Variants in NCK1 observed in about 807,000 individuals in gnomAD.
The protein encoded by NCK1 is SH2/SH3 adapter protein NCK1.
Under a neutral mutation model 36.6 loss-of-function variants are expected in NCK1, and 19 were observed. That is an observed-to-expected ratio of 0.52 (90% CI 0.36 to 0.76). The LOEUF is 0.76. NCK1 is among the 30% of genes least tolerant of loss of function. The pLI is 0.00. For missense variants in NCK1, 358 were observed against 445.6 expected (o/e 0.80, Z 1.77); for synonymous variants, 165 against 156.0 (o/e 1.06, Z -0.43).
chr3:136,902,378 A>G (rs1426931366), intron 1 of NCK1, among the ~76,000 whole-genome samples: 1 of 151,866 alleles, frequency 6.6e-6, no homozygotes, highest in Non-Finnish European at 1.5e-5. Context: ...GTATTTTAGT[A>G]AAAACGGGGT....
intron 1 of NCK1, among the ~76,000 whole-genome samples, chr3:136,923,779 T>C (rs1449003914): frequency 1.3e-5 from 2 of 152,188 alleles, no homozygotes; most frequent in African/African-American, 4.8e-5. Flanking sequence ...CTTGATAGTT[T>C]AGCTTTTAGA....
chr3:136,909,688 A>G (rs757334043), intron 1 of NCK1, among the ~76,000 whole-genome samples: 3 of 152,186 alleles, frequency 2.0e-5, no homozygotes, highest in African/African-American at 4.8e-5. Context: ...GAAGTTTCCA[A>G]TGATTACTGT....
chr3:136,925,547 C>A (rs990973739), intron 1 of NCK1, among the ~76,000 whole-genome samples: 9 of 152,186 alleles, frequency 5.9e-5, no homozygotes, highest in African/African-American at 2.2e-4. Flanking sequence ...TTAACCCTGG[C>A]AACTACTAAT....
intron 1 of NCK1, among the ~76,000 whole-genome samples, chr3:136,917,267 G>A (rs1036057863): frequency 2.2e-5 from 3 of 136,322 alleles, no homozygotes; most frequent in Non-Finnish European, 4.6e-5. Context: ...GCTATCGTTA[G>A]TGTATTTTAT....
intron 1 of NCK1, among the ~76,000 whole-genome samples, chr3:136,892,477 A>G (rs1576957588): frequency 6.6e-6 from 1 of 152,328 alleles, no homozygotes; most frequent in East Asian, 1.9e-4. Flanking sequence ...TAGTCCAGGA[A>G]AGGGATGTGA....
chr3:136,944,385 T>C (rs1372938223), intron 2 of NCK1, among the ~76,000 whole-genome samples: 1 of 152,136 alleles, frequency 6.6e-6, no homozygotes, highest in East Asian at 1.9e-4. Flanking sequence ...CCCAGAATGC[T>C]GGGATTACTG....
At chr3:136,867,433 A>T (rs1938484248) in intron 1 of NCK1, 1 of 113,346 alleles carries the variant, frequency 8.8e-6, no homozygotes. Flanking sequence ...TTTTGTAGAG[A>T]TAGGGTCTCA....
Position 136,903,722 on chromosome 3 carries a change from T to C in NCK1, c.-18-24262T>C, listed in dbSNP as rs149047952. Among the ~76,000 whole-genome samples the C allele has an allele frequency of 2.9e-3, 436 of 152,234 alleles. 3 individuals are homozygous for C. Among genetic ancestry groups the C allele is most frequent in the African/African-American group, 0.01 (417 of 41,534 alleles). ...TTGTAGGTGAGAGCCACACCGCGCC[T>C]GGCCAAATTAGTCTGTATCTTTTAA... is the stretch of plus-strand genomic sequence containing the variant. On this transcript the variant is annotated intron_variant, in intron 1 of 3. Coordinates refer to ENST00000481752, the MANE Select transcript of NCK1 (RefSeq NM_001291999.2).
intron 1 of NCK1, among the ~76,000 whole-genome samples, chr3:136,896,563 G>C (rs532627864): frequency 5.9e-5 from 9 of 152,030 alleles, no homozygotes; most frequent in African/African-American, 1.9e-4. Flanking sequence ...TTAAAGGCAG[G>C]GTCTCACTCT....
At chr3:136,893,942 G>T (rs1939324857) in intron 1 of NCK1, among the ~76,000 whole-genome samples, 1 of 152,096 alleles carries the variant, frequency 6.6e-6, no homozygotes, top group Non-Finnish European at 1.5e-5. Context: ...TTTCATCCTT[G>T]TGGGACTTGA....
intron 1 of NCK1, among the ~76,000 whole-genome samples, chr3:136,875,067 T>C (rs1266597758): frequency 2.6e-5 from 4 of 152,224 alleles, no homozygotes; most frequent in Non-Finnish European, 4.4e-5. Context: ...TTTGTGTACC[T>C]TCTGAATCTG....
chr3:136,925,812 T>C (rs918880163), intron 1 of NCK1, among the ~76,000 whole-genome samples: 3 of 152,226 alleles, frequency 2.0e-5, no homozygotes, highest in African/African-American at 7.2e-5. Context: ...TCATGTAAAA[T>C]GTGAACATAA....
intron 1 of NCK1, among the ~76,000 whole-genome samples, chr3:136,895,770 G>A (rs1939377458): frequency 1.3e-5 from 2 of 152,016 alleles, no homozygotes; most frequent in African/African-American, 4.8e-5. Context: ...TTGCTATGTT[G>A]ACCAGGCTGA....
At chr3:136,867,180 C>CCTTCCTTCCT (rs1491006794) in intron 1 of NCK1, among the ~76,000 whole-genome samples, 1 of 16,976 alleles carries the variant, frequency 5.9e-5, no homozygotes, top group Non-Finnish European at 1.4e-4. Flanking sequence ...TTCCTTCCTT[C>CCTTCCTTCCT]TTTCTTTCTT....
chr3:136,928,013 A>AGTG lies in NCK1; in HGVS notation c.18_20dup (p.Val8dup). On this transcript the variant is annotated inframe_insertion, in exon 2 of 4. Coordinates refer to ENST00000481752, the MANE Select transcript of NCK1 (RefSeq NM_001291999.2). The stretch of plus-strand genomic sequence containing the variant: ...GAAGCTGCTGAAAGATGGCAGAAGA[A>AGTG]GTGGTGGTAGTAGCCAAATTTGATT... The AGTG allele has an allele frequency of 6.2e-7, 1 of 1,613,140 alleles. No individual in the cohort carries two copies. Among genetic ancestry groups the AGTG allele is most frequent in the Non-Finnish European group, 8.5e-7 (1 of 1,179,114 alleles).
At chr3:136,919,365 AT>A (rs1048636212) in intron 1 of NCK1, among the ~76,000 whole-genome samples, 4 of 152,224 alleles carry the variant, frequency 2.6e-5, no homozygotes, top group South Asian at 2.1e-4. Flanking sequence ...CAGCAAAAAA[AT>A]ATATGGCCCT....
intron 1 of NCK1, among the ~76,000 whole-genome samples, 161 bp from the exon 2 acceptor site, chr3:136,927,823 A>G (rs899364205): frequency 2.0e-5 from 3 of 152,190 alleles, no homozygotes; most frequent in African/African-American, 7.2e-5. Flanking sequence ...ACGGCCATAC[A>G]GTCACAGTCT....
intron 1 of NCK1, among the ~76,000 whole-genome samples, chr3:136,893,013 T>G (rs1205372158): frequency 6.6e-6 from 1 of 151,348 alleles, no homozygotes; most frequent in Non-Finnish European, 1.5e-5. Context: ...TTGCTCCCAC[T>G]TATGAATGGA....
chr3:136,889,504 C>T (rs886377692), intron 1 of NCK1, among the ~76,000 whole-genome samples: 4 of 152,102 alleles, frequency 2.6e-5, no homozygotes, highest in Non-Finnish European at 5.9e-5. Flanking sequence ...TTGCAAAGAG[C>T]GAAAGAACAA....
Sources: gnomAD v4.1 joint callset for allele counts (sites outside exome capture counted in the v4.1 genomes callset) on GRCh38, gnomAD v4.1.1 for gene constraint, MANE v1.5 for transcripts, NCBI Gene and HGNC (gene_info 2026-07-23, HGNC 2026-07-21) for gene names.